DNAH6: variants seen among roughly 807,000 people sequenced by gnomAD.
DNAH6 encodes dynein axonemal heavy chain 6.
A neutral mutation model predicts 491.4 loss-of-function variants in DNAH6; 340 were observed. The ratio of observed to expected loss-of-function variants is 0.69; its 90% CI spans 0.63 to 0.76. DNAH6 has a LOEUF of 0.76. Ranked by LOEUF, DNAH6 falls within the 30% of genes least tolerant of loss-of-function variation. The pLI is 0.00. For missense variants in DNAH6, 4,443 were observed against 4,972.2 expected (o/e 0.89, Z 3.20); for synonymous variants, 1,603 against 1,686.1 (o/e 0.95, Z 1.21).
the DNAH6 span, among the ~76,000 whole-genome samples, chr2:84,505,399 C>T: frequency 6.6e-6 from 1 of 152,102 alleles, no homozygotes; most frequent in Non-Finnish European, 1.5e-5. Context: ...ATTGAAGTGG[C>T]AAGATCAGAC....
At chr2:84,699,795 A>C (rs941684543) in intron 48 of DNAH6, 61 bp downstream of exon 48, 1 of 1,512,582 alleles carries the variant, frequency 6.6e-7, no homozygotes, top group African/African-American at 1.4e-5. Flanking sequence ...TAAAGGGGTA[A>C]CACATTGTCC....
At chr2:84,719,104 A>G (rs188332118) in intron 59 of DNAH6, among the ~76,000 whole-genome samples, 1 of 152,326 alleles carries the variant, frequency 6.6e-6, no homozygotes, top group Non-Finnish European at 1.5e-5. Flanking sequence ...ACTTTATTAA[A>G]CCAGAAACAC....
chr2:84,632,170 T>C (rs191498644), intron 29 of DNAH6, among the ~76,000 whole-genome samples: 142 of 152,350 alleles, frequency 9.3e-4, no homozygotes, highest in Non-Finnish European at 6.0e-4. Flanking sequence ...CCTGCGTTCA[T>C]GATCAATATT....
At chr2:84,487,338 A>G in the DNAH6 span, among the ~76,000 whole-genome samples, 1 of 152,360 alleles carries the variant, frequency 6.6e-6, no homozygotes, top group East Asian at 1.9e-4. Context: ...ATAGGATATT[A>G]TCTGAATGCC....
intron 42 of DNAH6, 36 bp downstream of exon 42, chr2:84,681,564 C>T (rs1360366514): frequency 4.2e-6 from 6 of 1,441,566 alleles, no homozygotes; most frequent in Non-Finnish European, 5.5e-6. Flanking sequence ...GATCTGCACC[C>T]TCCCTACTTT....
intron 69 of DNAH6, among the ~76,000 whole-genome samples, chr2:84,797,014 T>TA (rs2105287227): frequency 1.3e-5 from 2 of 152,280 alleles, no homozygotes; most frequent in East Asian, 3.9e-4. Flanking sequence ...GCAACTTGAT[T>TA]AGTACAAGCT....
At position 84,611,725 on chromosome 2, in the gene DNAH6, A is replaced by G. The variant is rs1192074104; in HGVS notation, c.3346A>G (p.Asn1116Asp). 1.6e-5 allele frequency: 25 copies of G among 1,551,036 alleles called. No homozygotes were observed. In the Middle Eastern group the frequency reaches 5.0e-4, roughly 31 times the overall value. Residue 1116 changes from asparagine to aspartate, a missense_variant, in exon 22 of 77, where the codon AAT (asparagine) becomes GAT (aspartate). By Grantham distance (23) the Asn-to-Asp change is conservative. Transcript: ENST00000389394. ...CTGGCTCTACCTAGAAAGTATTTTC[A>G]ATGCTCCAGACATTCAGAGGCAATT... The part of the protein sequence containing the change: ...RNWLYLESIF[N>D]APDIQRQLPA...
intron 63 of DNAH6, among the ~76,000 whole-genome samples, chr2:84,753,361 G>A (rs1673654089): frequency 6.6e-6 from 1 of 152,004 alleles, no homozygotes; most frequent in Non-Finnish European, 1.5e-5. Flanking sequence ...TCCTTTTGAA[G>A]CACAAAAGCT....
chr2:84,796,376 A>AT lies in DNAH6; in HGVS notation c.11317dup (p.Ser3773PhefsTer3). The AT allele has an allele frequency of 6.6e-7, 1 of 1,522,964 alleles. No homozygotes were observed. Among genetic ancestry groups the AT allele is most frequent in the South Asian group, 1.3e-5 (1 of 79,802 alleles). The allele number at this position is 1,522,964 out of a possible 1,614,324, so 94.3% of individuals were successfully genotyped here. A position where few individuals can be genotyped will look rare whatever the true frequency, so the allele number is the denominator to read the frequency against. On this transcript the variant is annotated frameshift_variant, in exon 69 of 77. Coordinates refer to ENST00000389394, the MANE Select transcript of DNAH6 (RefSeq NM_001370.2). LOFTEE classifies it high-confidence loss of function. ...GATGCCTTCGTACTATCTTGAAAAG[A>AT]TTTTTTTCTCCTGAAACATTAGAAG...
chr2:84,618,573 G>A (rs1687101240), intron 23 of DNAH6, among the ~76,000 whole-genome samples: 1 of 151,664 alleles, frequency 6.6e-6, no homozygotes, highest in African/African-American at 2.4e-5. Context: ...GAGAGAGTTG[G>A]GGATAGGAAC....
At chr2:84,549,128 T>G (rs796101085) in intron 8 of DNAH6, among the ~76,000 whole-genome samples, 6 of 152,352 alleles carry the variant, frequency 3.9e-5, no homozygotes, top group African/African-American at 1.4e-4. Flanking sequence ...TGACCTTGAC[T>G]GTTCCAGAAT....
chr2:84,607,065 A>G lies in DNAH6; in HGVS notation c.3264A>G (p.Gln1088=), dbSNP rs1685841569. ...GPLKTRVDEW[Q]KQLALFNQTL... ...TGAAAACTCGAGTGGATGAATGGCA[A>G]AAACAACTTGCTTTATTTAATCAAA... is the stretch of plus-strand genomic sequence containing the variant. The change falls in exon 21 of 77, where the codon CAA becomes CAG. Residue 1088 remains glutamine, a synonymous_variant. Coordinates refer to ENST00000389394, the MANE Select transcript of DNAH6 (RefSeq NM_001370.2). 15 of 1,551,534 alleles carry G rather than the reference A, an allele frequency of 9.7e-6. No individual in the cohort carries two copies. The highest frequency in any genetic ancestry group is 1.3e-5 in the Non-Finnish European group (15 of 1,146,820).
In DNAH6 at chr2:84,727,849, C is replaced by A. The variant is rs1019177427; in HGVS notation, c.10153C>A (p.Leu3385Ile). ...TGAGATGATGCGTCAGCAAGGAACC[C>A]TATCTGATGCTGAATGGAATTTCTT... Reference protein sequence around the residue: ...CVEMMRQQGTLSDAEWNFFLR... With the variant: ...CVEMMRQQGTISDAEWNFFLR... Residue 3385 changes from leucine (L) to isoleucine (I), a missense_variant, in exon 61 of 77, where the codon CTA (leucine) becomes ATA (isoleucine). Physicochemically the swap from Leu to Ile is conservative, Grantham distance 5. Around this residue, in one of 3 missense-constraint regions of DNAH6, gnomAD observed 1,463 missense variants for 1,656.6 expected, o/e 0.88. Coordinates refer to ENST00000389394, the MANE Select transcript of DNAH6 (RefSeq NM_001370.2). The A allele has an allele frequency of 6.4e-7, 1 of 1,552,144 alleles. No individual in the cohort carries two copies. The highest frequency in any genetic ancestry group is 1.4e-5 in the African/African-American group (1 of 73,182).
intron 59 of DNAH6, among the ~76,000 whole-genome samples, chr2:84,719,509 ATTTTGTTTTG>A (rs942148989): frequency 6.7e-6 from 1 of 149,642 alleles, no homozygotes; most frequent in African/African-American, 2.5e-5. Context: ...TTTGTTTTTT[ATTTTGTTTTG>A]TTTTGTTTTG....
At chr2:84,475,772 T>C in the DNAH6 span, among the ~76,000 whole-genome samples, 1 of 152,230 alleles carries the variant, frequency 6.6e-6, no homozygotes, top group East Asian at 1.9e-4. Context: ...GTTACGGCTT[T>C]ATACACAGCC....
intron 70 of DNAH6, 127 bp downstream of exon 70, chr2:84,797,785 C>A: frequency 1.1e-6 from 1 of 879,572 alleles, no homozygotes; most frequent in African/African-American, 1.7e-5. Context: ...AATTGTTTCA[C>A]CTTGACTTCA....
At chr2:84,511,457 C>T (rs753345768), upstream of DNAH6, among the ~76,000 whole-genome samples, 5 of 151,390 alleles carry the variant, frequency 3.3e-5, no homozygotes, top group Non-Finnish European at 7.4e-5. Context: ...CCCAATTTTC[C>T]AGGTGCCGTC....
At chr2:84,762,547 G>A (rs983712479) in intron 63 of DNAH6, among the ~76,000 whole-genome samples, 15 of 152,082 alleles carry the variant, frequency 9.9e-5, no homozygotes, top group Non-Finnish European at 2.2e-4. Context: ...ATTTCATCCT[G>A]CTTGTGAGTC....
chr2:84,606,942 G>C (rs1250462403), intron 20 of DNAH6, 34 bp from the exon 21 acceptor site: 4 of 1,542,902 alleles, frequency 2.6e-6, no homozygotes, highest in South Asian at 1.2e-5. Context: ...CAAATACTGG[G>C]TGCTGCATGT....
Sources: allele counts gnomAD v4.1 joint callset (sites outside exome capture counted in the v4.1 genomes callset), GRCh38; gene constraint gnomAD v4.1.1; regional missense constraint gnomAD v4.1.1; transcripts MANE v1.5; gene names NCBI Gene and HGNC (gene_info 2026-07-23, HGNC 2026-07-21).